POLD3: variants seen among roughly 807,000 people sequenced by gnomAD.
POLD3 encodes the protein DNA polymerase delta 3, accessory subunit, also known as DNA polymerase delta subunit 3.
POLD3 carries 19 observed loss-of-function variants against 58.2 expected under a neutral mutation model. The observed-to-expected ratio is 0.33, with a 90% confidence interval of 0.23 to 0.48. The LOEUF is 0.48. Ranked by LOEUF, POLD3 falls within the 20% of genes least tolerant of loss-of-function variation. The pLI, the probability that POLD3 is intolerant of heterozygous loss-of-function variation, is 0.99. For synonymous variants in POLD3, 172 were observed against 193.5 expected, an observed-to-expected ratio of 0.89 and a Z score of 0.92; for missense variants, 504 against 545.5, an observed-to-expected ratio of 0.92 and a Z score of 0.76.
chr11:74,607,704 C>T (rs2031745469), intron 3 of POLD3, among the ~76,000 whole-genome samples: 1 of 151,904 alleles, frequency 6.6e-6, no homozygotes, highest in Non-Finnish European at 1.5e-5. Context: ...GCCTCAACCC[C>T]CCAAGTAGCT....
intron 4 of POLD3, among the ~76,000 whole-genome samples, chr11:74,667,192 G>C (rs2033280704): frequency 6.6e-6 from 1 of 152,196 alleles, no homozygotes; most frequent in South Asian, 2.1e-4. Context: ...AAGTTCTAGA[G>C]ATTGGTTACA....
At chr11:74,614,910 T>TG (rs1775153955) in intron 5 of POLD3, among the ~76,000 whole-genome samples, 1 of 151,912 alleles carries the variant, frequency 6.6e-6, no homozygotes, top group South Asian at 2.1e-4. Flanking sequence ...GTTTTAGAGA[T>TG]GTTGAGTTTG....
chr11:74,625,573 G>A lies in POLD3; in HGVS notation c.899G>A (p.Arg300Lys), dbSNP rs915631285. Residue 300 changes from arginine (R) to lysine (K), a missense_variant and splice_region_variant, in exon 8 of 12, where the codon AGG (arginine) becomes AAG (lysine). Physicochemically the swap from Arg to Lys is conservative, Grantham distance 26 (BLOSUM62 2). This residue lies in a region of POLD3 where 385 missense variants were observed against 370.5 expected (regional missense o/e 1.04). Transcript: ENST00000263681. Reference protein sequence around the residue: ...PVKVLQKEKKRGKRVALSDDE... With the variant: ...PVKVLQKEKKKGKRVALSDDE... ...AAGGTGCTGCAGAAGGAAAAAAAAA[G>A]GTAGGAAAATTTTGTTGCTTATTGG... 8 of 1,599,876 alleles carry A rather than the reference G, an allele frequency of 5.0e-6. No homozygotes were observed. The highest frequency in any genetic ancestry group is 2.3e-5 in the South Asian group (2 of 88,258).
intron 4 of POLD3, among the ~76,000 whole-genome samples, chr11:74,668,114 C>G (rs1811684183): frequency 6.6e-6 from 1 of 152,224 alleles, no homozygotes; most frequent in African/African-American, 2.4e-5. Context: ...TTGGAACCTT[C>G]ATCCACAGCT....
chr11:74,665,816 C>T (rs1307060112), intron 4 of POLD3, among the ~76,000 whole-genome samples: 1 of 152,168 alleles, frequency 6.6e-6, no homozygotes, highest in Non-Finnish European at 1.5e-5. Context: ...TGGTGAAAGA[C>T]TGAAAACTTA....
chr11:74,599,804 AGC>A (rs1469552467), intron 2 of POLD3, among the ~76,000 whole-genome samples: 8 of 152,158 alleles, frequency 5.3e-5, no homozygotes, highest in Non-Finnish European at 1.2e-4. Flanking sequence ...GGTTAGAGAA[AGC>A]GGTATGGGCA....
chr11:74,657,586 A>G (rs1375138202), intron 4 of POLD3, among the ~76,000 whole-genome samples: 1 of 152,114 alleles, frequency 6.6e-6, no homozygotes, highest in Non-Finnish European at 1.5e-5. Context: ...TTTTGTTTTT[A>G]TTTATACCTT....
intron 7 of POLD3, among the ~76,000 whole-genome samples, chr11:74,622,982 C>T (rs1366010939): frequency 6.6e-6 from 1 of 152,046 alleles, no homozygotes; most frequent in Non-Finnish European, 1.5e-5. Flanking sequence ...TATATCCAGA[C>T]AATGAAATGT....
At chr11:74,647,831 G>A (rs1028776245), downstream of POLD3, among the ~76,000 whole-genome samples, 1 of 152,122 alleles carries the variant, frequency 6.6e-6, no homozygotes, top group Non-Finnish European at 1.5e-5. Context: ...TCTTGCCCTT[G>A]ATACATTTAC....
At chr11:74,643,662 A>AAT (rs1467405763), downstream of POLD3, among the ~76,000 whole-genome samples, 1 of 152,134 alleles carries the variant, frequency 6.6e-6, no homozygotes, top group Non-Finnish European at 1.5e-5. Flanking sequence ...AGAACTTGAG[A>AAT]ATAGGGAGGA....
Position 74,642,298 on chromosome 11 carries a change from ACATATTC to A in POLD3, c.*1535_*1541del. 1.0e-6 allele frequency: 1 copy of A among 985,324 alleles called. No homozygotes were observed. The highest frequency in any genetic ancestry group is 1.2e-6 in the Non-Finnish European group (1 of 829,826). The allele number at this position is 985,324 out of a possible 1,614,324, so 61.0% of individuals were successfully genotyped here. ...TGTATAGCAAGCTGAGTAAAGGTTG[ACATATTC>A]CAAAACCCTTCTTTTTAAAAGGAAA... On this transcript the variant is annotated 3_prime_UTR_variant, in exon 12 of 12. Transcript: ENST00000263681.
intron 5 of POLD3, among the ~76,000 whole-genome samples, chr11:74,616,591 G>A (rs2032086616): frequency 6.6e-6 from 1 of 152,234 alleles, no homozygotes; most frequent in Non-Finnish European, 1.5e-5. Context: ...CAAGGTCAGA[G>A]AGGAAGAGCA....
chr11:74,604,499 C>T (rs895489815), intron 2 of POLD3, 193 bp from the exon 3 acceptor site: 1 of 539,788 alleles, frequency 1.9e-6, no homozygotes, highest in Non-Finnish European at 3.3e-6. Flanking sequence ...AACACATGGA[C>T]TCTACTCCCC....
At chr11:74,626,873 C>T (rs747621473) in intron 8 of POLD3, among the ~76,000 whole-genome samples, 25 of 152,028 alleles carry the variant, frequency 1.6e-4, no homozygotes, top group East Asian at 3.8e-4. Flanking sequence ...GACATGGTAG[C>T]GCAACACATT....
chr11:74,598,173 A>C (rs995410146), intron 2 of POLD3, among the ~76,000 whole-genome samples: 1 of 152,224 alleles, frequency 6.6e-6, no homozygotes, highest in Non-Finnish European at 1.5e-5. Context: ...ATTAGGTGTT[A>C]GTTCAAGCTA....
chr11:74,668,683 C>T (rs555617566), intron 4 of POLD3: 19 of 880,558 alleles, frequency 2.2e-5, no homozygotes, highest in East Asian at 6.2e-5. Context: ...TAAAGAGGCC[C>T]GGAGTAGCTA....
At chr11:74,659,569 C>G (rs879451924) in intron 4 of POLD3, among the ~76,000 whole-genome samples, 24 of 152,162 alleles carry the variant, frequency 1.6e-4, no homozygotes, top group Non-Finnish European at 2.6e-4. Context: ...TTAACAGCAC[C>G]CAAGTCCCCT....
chr11:74,640,349 C>T (rs912830579), intron 11 of POLD3, among the ~76,000 whole-genome samples: 1 of 152,154 alleles, frequency 6.6e-6, no homozygotes, highest in African/African-American at 2.4e-5. Context: ...AACGTTAATT[C>T]TAAGCATCAA....
intron 4 of POLD3, among the ~76,000 whole-genome samples, chr11:74,656,260 G>A (rs2033132435): frequency 6.6e-6 from 1 of 152,032 alleles, no homozygotes; most frequent in Non-Finnish European, 1.5e-5. Flanking sequence ...TATCCCATAG[G>A]TTTTATATGT....
Sources: allele counts gnomAD v4.1 joint callset (sites outside exome capture counted in the v4.1 genomes callset), GRCh38; gene constraint gnomAD v4.1.1; regional missense constraint gnomAD v4.1.1; transcripts MANE v1.5; gene names NCBI Gene and HGNC (gene_info 2026-07-23, HGNC 2026-07-21).